The following VPS13B variants were observed in gnomAD, a reference collection of about 807,000 sequenced individuals.
VPS13B encodes the protein intermembrane lipid transfer protein VPS13B.
A neutral mutation model predicts 426.4 loss-of-function variants in VPS13B; 285 were observed. That is an observed-to-expected ratio of 0.67 (90% CI 0.61 to 0.74). The LOEUF (loss-of-function observed/expected upper bound fraction) is 0.74. Ranked by LOEUF, VPS13B falls within the 30% of genes least tolerant of loss-of-function variation. The pLI, the probability that VPS13B is intolerant of heterozygous loss-of-function variation, is 0.00. For synonymous variants in VPS13B, 1,676 were observed against 1,676.4 expected (o/e 1.00, Z 0.01); for missense variants, 4,537 against 4,782.6 (o/e 0.95, Z 1.51).
intron 13 of VPS13B, 42 bp from the exon 14 acceptor site, chr8:99,147,799 T>G (rs776584749): frequency 9.4e-6 from 12 of 1,273,868 alleles, no homozygotes; most frequent in Non-Finnish European, 1.2e-5. Context: ...AGAATATTAT[T>G]TAAAAATATT....
intron 17 of VPS13B, among the ~76,000 whole-genome samples, chr8:99,193,472 C>CATTA (rs1343461043): frequency 6.6e-6 from 1 of 151,988 alleles, no homozygotes; most frequent in East Asian, 1.9e-4. Context: ...GTGTGAAAAG[C>CATTA]ATTAATCTGG....
chr8:99,543,618 A>G (rs1346713724), intron 30 of VPS13B, among the ~76,000 whole-genome samples: 1 of 151,646 alleles, frequency 6.6e-6, no homozygotes, highest in Non-Finnish European at 1.5e-5. Context: ...ATTTACAAGA[A>G]AAAAACAAAC....
intron 2 of VPS13B, among the ~76,000 whole-genome samples, chr8:99,029,659 G>A (rs899883480): frequency 7.2e-5 from 11 of 151,786 alleles, no homozygotes; most frequent in African/African-American, 2.4e-4. Flanking sequence ...GCCTGCAATC[G>A]CAGGCACTCG....
intron 22 of VPS13B, among the ~76,000 whole-genome samples, chr8:99,432,126 TA>T (rs1199156494): frequency 2.6e-5 from 4 of 152,128 alleles, no homozygotes; most frequent in Non-Finnish European, 5.9e-5. Context: ...CATTGATTTT[TA>T]CTTTAAAATG....
chr8:99,660,515 A>G (rs538989099), intron 34 of VPS13B, among the ~76,000 whole-genome samples: 4 of 152,274 alleles, frequency 2.6e-5, no homozygotes, highest in African/African-American at 9.6e-5. Flanking sequence ...ACAATCATGA[A>G]ACTAAAGAAA....
chr8:99,340,337 A>G, intron 19 of VPS13B: 1 of 370,712 alleles, frequency 2.7e-6, no homozygotes, highest in Non-Finnish European at 5.3e-6. Context: ...TAGGTGCTAT[A>G]GTATGCCTCA....
intron 30 of VPS13B, among the ~76,000 whole-genome samples, chr8:99,530,427 C>T (rs1822869822): frequency 6.6e-6 from 1 of 152,014 alleles, no homozygotes; most frequent in African/African-American, 2.4e-5. Context: ...CCAGCCTGGA[C>T]AACATGGTGA....
chr8:99,231,344 A>G (rs1310027038), intron 17 of VPS13B, among the ~76,000 whole-genome samples: 3 of 151,928 alleles, frequency 2.0e-5, no homozygotes, highest in African/African-American at 7.3e-5. Flanking sequence ...CACTGTTTGC[A>G]GTAGAGGAAA....
chr8:99,265,751 A>T (rs1422458827), intron 17 of VPS13B, among the ~76,000 whole-genome samples: 1 of 151,976 alleles, frequency 6.6e-6, no homozygotes, highest in Non-Finnish European at 1.5e-5. Context: ...CCTCTTTTTA[A>T]TTCTTATATT....
chr8:99,203,698 A>G (rs1814497402), intron 17 of VPS13B, among the ~76,000 whole-genome samples: 1 of 152,210 alleles, frequency 6.6e-6, no homozygotes, highest in Non-Finnish European at 1.5e-5. Context: ...GAAAAATCAC[A>G]AGCATTCCTA....
chr8:99,753,832 G>T (rs1441635124), intron 39 of VPS13B, among the ~76,000 whole-genome samples: 1 of 152,168 alleles, frequency 6.6e-6, no homozygotes, highest in Non-Finnish European at 1.5e-5. Flanking sequence ...TACTTAGAGG[G>T]TTTTCCGGAC....
intron 3 of VPS13B, among the ~76,000 whole-genome samples, chr8:99,083,188 A>T (rs1433380515): frequency 6.6e-6 from 1 of 152,140 alleles, no homozygotes; most frequent in African/African-American, 2.4e-5. Context: ...ATCCCTTGTA[A>T]GTTGGATTCC....
chr8:99,571,123 C>A (rs982716820), intron 31 of VPS13B, among the ~76,000 whole-genome samples: 4 of 152,104 alleles, frequency 2.6e-5, no homozygotes, highest in Non-Finnish European at 5.9e-5. Context: ...ATCTCAAATA[C>A]CTGTTAAACT....
intron 16 of VPS13B, among the ~76,000 whole-genome samples, chr8:99,191,180 T>C (rs1813555014): frequency 6.6e-6 from 1 of 152,040 alleles, no homozygotes; most frequent in Non-Finnish European, 1.5e-5. Context: ...TTTGTTTCTT[T>C]ACATGTGATG....
chr8:99,604,562 T>C (rs1278265418), intron 33 of VPS13B, among the ~76,000 whole-genome samples: 1 of 145,318 alleles, frequency 6.9e-6, no homozygotes, highest in Non-Finnish European at 1.5e-5. Context: ...TGCAGTGGCA[T>C]GATCCCAGCT....
At chr8:99,858,696 AT>A (rs1296776554) in intron 56 of VPS13B, among the ~76,000 whole-genome samples, 1 of 152,010 alleles carries the variant, frequency 6.6e-6, no homozygotes, top group African/African-American at 2.4e-5. Flanking sequence ...AAAAAAAAAA[AT>A]GTCCCTGTCT....
chr8:99,779,117 C>T (rs1811886220), intron 42 of VPS13B, 86 bp downstream of exon 42: 3 of 1,243,830 alleles, frequency 2.4e-6, no homozygotes. Context: ...ATAATAAGTT[C>T]AACACAAACA....
At chr8:99,839,309 C>G (rs1174231558) in intron 54 of VPS13B, among the ~76,000 whole-genome samples, 3 of 152,188 alleles carry the variant, frequency 2.0e-5, no homozygotes, top group Admixed American at 6.5e-5. Context: ...TTCTACAGCT[C>G]TGTGCCATTT....
At chr8:99,700,045 G>A (rs1444671884) in intron 36 of VPS13B, 113 bp downstream of exon 36, 1 of 1,321,676 alleles carries the variant, frequency 7.6e-7, no homozygotes, top group Non-Finnish European at 1.0e-6. Flanking sequence ...AGTTGTAAAG[G>A]CCATTAGAGA....
Sources: allele counts gnomAD v4.1 joint callset (sites outside exome capture counted in the v4.1 genomes callset), GRCh38; gene constraint gnomAD v4.1.1; transcripts MANE v1.5; gene names NCBI Gene and HGNC (gene_info 2026-07-23, HGNC 2026-07-21).